Variants in FRMD4B observed in about 807,000 individuals in gnomAD.
FRMD4B encodes FERM domain containing 4B.
In FRMD4B, 74 loss-of-function variants were observed where a neutral mutation model predicts 141.5. The observed-to-expected ratio is 0.52, with a 90% confidence interval of 0.43 to 0.63. The LOEUF (loss-of-function observed/expected upper bound fraction) is 0.63, where lower values mean the gene tolerates loss of function less well. FRMD4B is among the 30% of genes least tolerant of loss of function. The pLI, the probability that FRMD4B is intolerant of heterozygous loss-of-function variation, is 0.00. For missense variants in FRMD4B, 1,366 were observed against 1,253.4 expected (o/e 1.09, Z -1.36); for synonymous variants, 506 against 467.9 (o/e 1.08, Z -1.05).
chr3:69,412,740 G>A (rs1704778553), intron 2 of FRMD4B, among the ~76,000 whole-genome samples: 1 of 151,806 alleles, frequency 6.6e-6, no homozygotes, highest in South Asian at 2.1e-4. Context: ...TTTACCATTG[G>A]AAAGGGTTAA....
chr3:69,490,891 C>T (rs1706292072), intron 1 of FRMD4B, among the ~76,000 whole-genome samples: 1 of 152,056 alleles, frequency 6.6e-6, no homozygotes, highest in Non-Finnish European at 1.5e-5. Context: ...AGAATGAAGC[C>T]TTTTCCCTCT....
At chr3:69,398,950 A>C (rs1180736461) in intron 2 of FRMD4B, among the ~76,000 whole-genome samples, 1 of 152,180 alleles carries the variant, frequency 6.6e-6, no homozygotes, top group Non-Finnish European at 1.5e-5. Context: ...AAGAAATGGC[A>C]ATACAATGAC....
intron 1 of FRMD4B, among the ~76,000 whole-genome samples, chr3:69,365,593 C>T (rs538003784): frequency 1.7e-3 from 232 of 139,484 alleles, no homozygotes; most frequent in African/African-American, 6.9e-3. Flanking sequence ...CAAACTGCCT[C>T]CCGAATCAAG....
At chr3:69,463,398 C>T (rs577001332) in intron 1 of FRMD4B, among the ~76,000 whole-genome samples, 1 of 152,308 alleles carries the variant, frequency 6.6e-6, no homozygotes, top group African/African-American at 2.4e-5. Flanking sequence ...CATTGAAGTA[C>T]ACATACCATA....
At position 69,301,998 on chromosome 3, in the gene FRMD4B, T is replaced by C. The variant is rs372928265; in HGVS notation, c.416+345A>G. Among the ~76,000 whole-genome samples the C allele has an allele frequency of 2.3e-4, 35 of 152,358 alleles. No homozygotes were observed. In the East Asian group the frequency reaches 6.0e-3, roughly 26 times the overall value. ...CAAATGTTTGTCACATTTCAAAGAA[T>C]GAGAATCTTAAGAATCTGATGAGTG... On this transcript the variant is annotated intron_variant, in intron 4 of 22. Transcript: ENST00000398540.
intron 1 of FRMD4B, among the ~76,000 whole-genome samples, chr3:69,456,512 G>A (rs1705617166): frequency 6.6e-6 from 1 of 152,024 alleles, no homozygotes; most frequent in South Asian, 2.1e-4. Flanking sequence ...CAAAAGTTAT[G>A]CTACACTAGA....
intron 1 of FRMD4B, among the ~76,000 whole-genome samples, chr3:69,496,168 G>C (rs544354270): frequency 2.3e-4 from 35 of 152,332 alleles, no homozygotes; most frequent in African/African-American, 7.9e-4. Flanking sequence ...AATGGTTACA[G>C]ATGGTGGCTT....
At chr3:69,291,333 T>C (rs1575698137) in intron 4 of FRMD4B, among the ~76,000 whole-genome samples, 1 of 152,214 alleles carries the variant, frequency 6.6e-6, no homozygotes, top group East Asian at 1.9e-4. Flanking sequence ...ACAAAGCTCA[T>C]AAGAATTTCT....
At chr3:69,256,611 C>T (rs554051014) in intron 5 of FRMD4B, among the ~76,000 whole-genome samples, 275 of 152,294 alleles carry the variant, frequency 1.8e-3, no homozygotes, top group African/African-American at 6.4e-3. Flanking sequence ...TGAGCCATGG[C>T]CCCTGGCCAC....
chr3:69,189,905 AGGT>A lies in FRMD4B; in HGVS notation c.1759_1761del (p.Thr587del). 1.3e-6 allele frequency: 2 copies of A among 1,591,620 alleles called. No homozygotes were observed. The highest frequency in any genetic ancestry group is 1.7e-6 in the Non-Finnish European group (2 of 1,159,962). On this transcript the variant is annotated inframe_deletion, in exon 18 of 23. Coordinates refer to ENST00000398540, the MANE Select transcript of FRMD4B (RefSeq NM_015123.3). ...AGGAAGAGCCACTTACGATCATCAT[AGGT>A]GGTGGTGTCAGACAAAGAGCTACTC...
At chr3:69,472,381 C>T (rs559814329) in intron 1 of FRMD4B, 6 of 495,028 alleles carry the variant, frequency 1.2e-5, no homozygotes, top group Non-Finnish European at 2.4e-5. Flanking sequence ...TCTCCACCCT[C>T]ATTCTTAATA....
intron 1 of FRMD4B, among the ~76,000 whole-genome samples, chr3:69,502,927 T>G (rs966598548): frequency 2.0e-5 from 3 of 152,120 alleles, no homozygotes; most frequent in Non-Finnish European, 4.4e-5. Context: ...AACAGACACA[T>G]GAAAAAATGC....
intron 5 of FRMD4B, among the ~76,000 whole-genome samples, chr3:69,280,176 G>A (rs148014432): frequency 1.3e-5 from 2 of 152,166 alleles, no homozygotes; most frequent in Non-Finnish European, 2.9e-5. Context: ...AATGCTTCCC[G>A]GGTTCCCCAG....
intron 5 of FRMD4B, among the ~76,000 whole-genome samples, chr3:69,279,904 T>C (rs2093637068): frequency 6.6e-6 from 1 of 151,930 alleles, no homozygotes; most frequent in African/African-American, 2.4e-5. Flanking sequence ...ACATTTTCTG[T>C]CTTTTCATTA....
chr3:69,196,222 T>C (rs1207646858), intron 14 of FRMD4B, 33 bp downstream of exon 14: 2 of 1,516,238 alleles, frequency 1.3e-6, no homozygotes, highest in African/African-American at 1.4e-5. Context: ...GAAATAAAGA[T>C]GGCTTGCACG....
At chr3:69,533,186 G>C (rs890376383) in intron 1 of FRMD4B, among the ~76,000 whole-genome samples, 12 of 152,164 alleles carry the variant, frequency 7.9e-5, no homozygotes, top group Admixed American at 5.9e-4. Context: ...TCTGTTGTAG[G>C]GGGCAATAGT....
intron 21 of FRMD4B, among the ~76,000 whole-genome samples, chr3:69,180,125 G>T (rs2092688763): frequency 6.6e-6 from 1 of 152,086 alleles, no homozygotes; most frequent in African/African-American, 2.4e-5. Context: ...GCCAGGCACT[G>T]CGGCTCTCAC....
intron 1 of FRMD4B, among the ~76,000 whole-genome samples, chr3:69,508,880 A>T (rs1199979018): frequency 1.3e-5 from 2 of 152,210 alleles, no homozygotes; most frequent in Non-Finnish European, 2.9e-5. Flanking sequence ...TCTCCATTTC[A>T]TAGACAAGGA....
At chr3:69,234,143 G>C (rs932380375) in intron 7 of FRMD4B, among the ~76,000 whole-genome samples, 1 of 151,876 alleles carries the variant, frequency 6.6e-6, no homozygotes, top group African/African-American at 2.4e-5. Flanking sequence ...TTACTCAGGA[G>C]GCTGAGGCAG....
Sources: allele counts gnomAD v4.1 joint callset (sites outside exome capture counted in the v4.1 genomes callset), GRCh38; gene constraint gnomAD v4.1.1; transcripts MANE v1.5; gene names NCBI Gene and HGNC (gene_info 2026-07-23, HGNC 2026-07-21).